Variants in NBAS observed in about 807,000 individuals in gnomAD.
NBAS encodes the protein NAG/BC035112 fusion.
Under a neutral mutation model 302.5 loss-of-function variants are expected in NBAS, and 219 were observed. That is an observed-to-expected ratio of 0.72 (90% CI 0.65 to 0.81). The LOEUF (loss-of-function observed/expected upper bound fraction) is 0.81. Among genes scored for constraint, NBAS ranks in the 30% least tolerant of loss-of-function variants. NBAS has a pLI of 0.00. For synonymous variants in NBAS, 1,118 were observed against 1,021.6 expected, an observed-to-expected ratio of 1.09 and a Z score of -1.80; for missense variants, 2,932 against 2,841.6, an observed-to-expected ratio of 1.03 and a Z score of -0.72.
chr2:15,401,904 GT>G (rs1676170527), intron 26 of NBAS, among the ~76,000 whole-genome samples: 1 of 143,860 alleles, frequency 7.0e-6, no homozygotes, highest in Non-Finnish European at 1.6e-5. Flanking sequence ...TGGTATTTTT[GT>G]TTTTCAATAG....
chr2:15,469,538 G>T (rs59919592), intron 16 of NBAS, among the ~76,000 whole-genome samples: 1 of 152,056 alleles, frequency 6.6e-6, no homozygotes, highest in Non-Finnish European at 1.5e-5. Flanking sequence ...ATATGCACAC[G>T]TATGTTTATA....
the NBAS span, among the ~76,000 whole-genome samples, chr2:14,892,540 T>C: frequency 0.55 from 83,608 of 152,118 alleles, 25,986 homozygotes; most frequent in African/African-American, 0.86. Flanking sequence ...TGTGTTTATA[T>C]TATACCGACT....
At chr2:15,535,248 G>T (rs974439382) in intron 8 of NBAS, among the ~76,000 whole-genome samples, 3 of 152,164 alleles carry the variant, frequency 2.0e-5, no homozygotes, top group African/African-American at 7.2e-5. Context: ...TAGGCCAGGC[G>T]CAGTGGCTCA....
chr2:15,371,399 ATT>A (rs1342217428), intron 31 of NBAS, among the ~76,000 whole-genome samples: 16 of 152,018 alleles, frequency 1.1e-4, no homozygotes, highest in Admixed American at 1.0e-3. Context: ...TATAAAGCAT[ATT>A]TGGAACATAA....
At chr2:15,528,878 A>AAAATATAT (rs555894886) in intron 9 of NBAS, among the ~76,000 whole-genome samples, 3 of 121,544 alleles carry the variant, frequency 2.5e-5, no homozygotes, top group African/African-American at 8.9e-5. Context: ...AAAAAAAAAA[A>AAAATATAT]ATATATATAT....
the NBAS span, among the ~76,000 whole-genome samples, chr2:14,934,754 T>C: frequency 1.3e-5 from 2 of 152,166 alleles, no homozygotes; most frequent in Admixed American, 1.3e-4. Context: ...AAATCATGTT[T>C]GTTTAGAAGT....
the NBAS span, among the ~76,000 whole-genome samples, chr2:15,109,000 G>T: frequency 1.3e-5 from 2 of 152,054 alleles, no homozygotes; most frequent in African/African-American, 4.8e-5. Context: ...CAAGGTTAAG[G>T]TCAAATCTTT....
chr2:14,912,312 A>G, the NBAS span, among the ~76,000 whole-genome samples: 1 of 152,170 alleles, frequency 6.6e-6, no homozygotes, highest in South Asian at 2.1e-4. Flanking sequence ...TTATCAAACT[A>G]TTTTAACAAG....
the NBAS span, among the ~76,000 whole-genome samples, chr2:14,980,190 C>T: frequency 6.6e-6 from 1 of 152,018 alleles, no homozygotes; most frequent in African/African-American, 2.4e-5. Flanking sequence ...CATGGATGTA[C>T]ACGAGAGACC....
In NBAS at chr2:15,208,135, G is replaced by A. The variant is rs541084435; in HGVS notation, c.6432+10638C>T. Among the ~76,000 whole-genome samples, 12 of 152,164 alleles carry A rather than the reference G, an allele frequency of 7.9e-5. 1 individual carries two copies. Among genetic ancestry groups the A allele is most frequent in the Middle Eastern group, 3.4e-3 (1 of 292 alleles). On this transcript the variant is annotated intron_variant, in intron 48 of 51. Transcript: ENST00000281513. ...TACCCATGACTGAATAATTTATAAC[G>A]AAAAAGAGGTTTAATGGACTCAGTT...
intron 15 of NBAS, 36 bp from the exon 16 acceptor site, chr2:15,473,383 G>T: frequency 6.2e-7 from 1 of 1,610,688 alleles, no homozygotes; most frequent in South Asian, 1.1e-5. Context: ...AATGTTACAT[G>T]ACTGAATTAT....
At chr2:15,215,374 C>G (rs368109617) in intron 48 of NBAS, among the ~76,000 whole-genome samples, 1 of 152,180 alleles carries the variant, frequency 6.6e-6, no homozygotes, top group Admixed American at 6.5e-5. Flanking sequence ...CAGCAACACA[C>G]TGATTTGTGG....
intron 44 of NBAS, among the ~76,000 whole-genome samples, chr2:15,255,805 G>C (rs981436500): frequency 6.6e-6 from 1 of 152,174 alleles, no homozygotes; most frequent in Non-Finnish European, 1.5e-5. Flanking sequence ...TTGTTGAATA[G>C]AGTGACCTTT....
intron 10 of NBAS, among the ~76,000 whole-genome samples, chr2:15,507,287 G>A (rs1197317850): frequency 1.3e-5 from 2 of 151,572 alleles, no homozygotes; most frequent in African/African-American, 2.4e-5. Flanking sequence ...CAGGGTGTGG[G>A]ATCCTACAGA....
chr2:14,847,791 T>C, the NBAS span, among the ~76,000 whole-genome samples: 2 of 152,322 alleles, frequency 1.3e-5, no homozygotes, highest in East Asian at 3.9e-4. Flanking sequence ...ACCTATTACA[T>C]ATTTACACAA....
the NBAS span, among the ~76,000 whole-genome samples, chr2:14,878,393 T>C: frequency 2.6e-5 from 4 of 151,042 alleles, no homozygotes; most frequent in Non-Finnish European, 4.4e-5. Flanking sequence ...AGGAAGGGGG[T>C]CGTTGACTTT....
intron 5 of NBAS, among the ~76,000 whole-genome samples, chr2:15,552,047 T>C (rs1664408794): frequency 1.3e-5 from 2 of 152,116 alleles, no homozygotes; most frequent in Non-Finnish European, 2.9e-5. Context: ...CTGAAATATA[T>C]ACCAAGTAGA....
chr2:15,315,279 T>C (rs922602799), intron 38 of NBAS, among the ~76,000 whole-genome samples: 4 of 152,176 alleles, frequency 2.6e-5, no homozygotes, highest in African/African-American at 4.8e-5. Flanking sequence ...GGTTGATGAA[T>C]AGAGGGGTGG....
chr2:15,383,408 C>G lies in NBAS; in HGVS notation c.3258-91G>C, dbSNP rs559206080. 8.2e-5 allele frequency: 84 copies of G among 1,022,858 alleles called. 1 individual carries two copies. In the South Asian group the frequency reaches 8.8e-4, roughly 11 times the overall value. 63.4% of individuals were successfully genotyped at this position (1,022,858 alleles called of 1,614,324 possible). ...TGATCTAAAGTTAAAAAAACAAAAACTGGTACCACCACTCTATATCCACAT... is the reference window on the plus strand; with the variant it reads ...TGATCTAAAGTTAAAAAAACAAAAAGTGGTACCACCACTCTATATCCACAT... On this transcript the variant is annotated intron_variant, in intron 28 of 51. Coordinates refer to ENST00000281513, the MANE Select transcript of NBAS (RefSeq NM_015909.4).
Sources: gnomAD v4.1 joint callset for allele counts (sites outside exome capture counted in the v4.1 genomes callset) on GRCh38, gnomAD v4.1.1 for gene constraint, MANE v1.5 for transcripts, NCBI Gene and HGNC (gene_info 2026-07-23, HGNC 2026-07-21) for gene names.